The following HCN1 variants were observed in gnomAD, a reference collection of about 807,000 sequenced individuals.
HCN1 encodes the protein potassium/sodium hyperpolarization-activated cyclic nucleotide-gated channel 1.
Under a neutral mutation model 78.9 loss-of-function variants are expected in HCN1, and 13 were observed. That is an observed-to-expected ratio of 0.16 (90% CI 0.11 to 0.26). The LOEUF (loss-of-function observed/expected upper bound fraction) is 0.26. Ranked by LOEUF, HCN1 falls within the 10% of genes least tolerant of loss-of-function variation. The probability of loss-of-function intolerance (pLI) is 1.00; values close to 1 mark genes in which losing one functional copy is unlikely to be tolerated. For synonymous variants in HCN1, 552 were observed against 455.5 expected (o/e 1.21, Z -2.70); for missense variants, 810 against 1,154.3 (o/e 0.70, Z 4.32).
intron 1 of HCN1, among the ~76,000 whole-genome samples, chr5:45,685,097 T>C (rs773556982): frequency 1.3e-5 from 2 of 152,192 alleles, no homozygotes; most frequent in Non-Finnish European, 2.9e-5. Context: ...TTCTTTTACG[T>C]TCCTAACTAG....
chr5:45,632,427 G>A (rs1016223580), intron 2 of HCN1, among the ~76,000 whole-genome samples: 1 of 151,954 alleles, frequency 6.6e-6, no homozygotes, highest in African/African-American at 2.4e-5. Context: ...AGAGGAGGAT[G>A]AGGAAAAAAT....
intron 5 of HCN1, among the ~76,000 whole-genome samples, chr5:45,345,235 C>A (rs1746676576): frequency 6.6e-6 from 1 of 152,186 alleles, no homozygotes; most frequent in South Asian, 2.1e-4. Context: ...CTGCACACAG[C>A]AGGCAGCCTG....
At chr5:45,406,431 C>G (rs1029950121) in intron 3 of HCN1, among the ~76,000 whole-genome samples, 4 of 152,098 alleles carry the variant, frequency 2.6e-5, no homozygotes, top group Non-Finnish European at 5.9e-5. Context: ...CATTGCTCTT[C>G]TTAACAGTGA....
At chr5:45,342,351 T>A (rs1462657753) in intron 5 of HCN1, among the ~76,000 whole-genome samples, 1 of 151,244 alleles carries the variant, frequency 6.6e-6, no homozygotes, top group Admixed American at 6.6e-5. Flanking sequence ...TGCCTTAGCC[T>A]CCCAACTAGC....
chr5:45,340,104 A>G (rs1158324580), intron 5 of HCN1, among the ~76,000 whole-genome samples: 1 of 152,050 alleles, frequency 6.6e-6, no homozygotes, highest in African/African-American at 2.4e-5. Flanking sequence ...TACTTTTAGT[A>G]AAGACTGGGT....
intron 2 of HCN1, among the ~76,000 whole-genome samples, chr5:45,561,580 C>G (rs1025749626): frequency 4.1e-5 from 6 of 146,910 alleles, no homozygotes. Flanking sequence ...GCCTTTGTCC[C>G]TGGCTCCTGA....
At chr5:45,313,924 C>T (rs185260117) in intron 5 of HCN1, among the ~76,000 whole-genome samples, 80 of 152,284 alleles carry the variant, frequency 5.3e-4, no homozygotes, top group African/African-American at 1.8e-3. Flanking sequence ...GAGAATACAA[C>T]CAAGTTGGAA....
chr5:45,477,642 A>T (rs1741546972), intron 2 of HCN1, among the ~76,000 whole-genome samples: 3 of 152,218 alleles, frequency 2.0e-5, no homozygotes, highest in Admixed American at 2.0e-4. Flanking sequence ...TTTGAAAAAC[A>T]ACAATAACAT....
At chr5:45,266,381 A>G (rs1458272624) in intron 7 of HCN1, among the ~76,000 whole-genome samples, 1 of 152,104 alleles carries the variant, frequency 6.6e-6, no homozygotes, top group Non-Finnish European at 1.5e-5. Flanking sequence ...TTCAATTCCT[A>G]ATATAAAGAT....
At chr5:45,365,015 C>T (rs1358773421) in intron 4 of HCN1, among the ~76,000 whole-genome samples, 2 of 151,856 alleles carry the variant, frequency 1.3e-5, no homozygotes, top group East Asian at 3.9e-4. Context: ...CCATAAGCTT[C>T]CTGAAGGTGT....
chr5:45,479,866 A>T (rs1741610279), intron 2 of HCN1, among the ~76,000 whole-genome samples: 1 of 152,222 alleles, frequency 6.6e-6, no homozygotes, highest in African/African-American at 2.4e-5. Context: ...TTTTTAACTA[A>T]TCATTTCACA....
intron 3 of HCN1, among the ~76,000 whole-genome samples, chr5:45,454,026 G>A (rs1285939452): frequency 6.6e-6 from 1 of 152,068 alleles, no homozygotes; most frequent in Non-Finnish European, 1.5e-5. Flanking sequence ...ACAAAAACAT[G>A]TTTGGAACTT....
In HCN1 at chr5:45,479,125, A is replaced by T. The variant is rs998932464; in HGVS notation, c.850-17118T>A. Among the ~76,000 whole-genome samples the T allele has an allele frequency of 1.7e-3, 200 of 119,046 alleles. 3 individuals are homozygous for T. The East Asian group carries it at 0.023, about 14-fold the overall frequency. The allele number at this position is 119,046 out of a possible 152,430, so 78.1% of individuals were successfully genotyped here. ...CTGGGCTACAGAGCGAGACTGTTTT[A>T]AAAAAAAAAAAAAAAGAATGAGTTG... On this transcript the variant is annotated intron_variant, in intron 2 of 7. Coordinates refer to ENST00000303230, the MANE Select transcript of HCN1 (RefSeq NM_021072.4).
intron 2 of HCN1, among the ~76,000 whole-genome samples, chr5:45,622,455 T>C (rs1745086654): frequency 6.6e-6 from 1 of 152,114 alleles, no homozygotes; most frequent in South Asian, 2.1e-4. Flanking sequence ...TGTGCCCATA[T>C]TTAGACACTC....
At chr5:45,559,363 G>C (rs1040976487) in intron 2 of HCN1, 6 of 152,000 alleles carry the variant, frequency 3.9e-5, no homozygotes, top group African/African-American at 1.2e-4. Flanking sequence ...GCTGGATCTG[G>C]GCAAAATAAA....
intron 2 of HCN1, among the ~76,000 whole-genome samples, chr5:45,607,587 AT>A (rs984476515): frequency 1.0e-4 from 15 of 148,954 alleles, no homozygotes; most frequent in African/African-American, 3.6e-4. Context: ...CATTATATAT[AT>A]ATATATATCT....
intron 4 of HCN1, among the ~76,000 whole-genome samples, chr5:45,367,989 C>G (rs555320641): frequency 6.6e-6 from 1 of 151,928 alleles, no homozygotes; most frequent in East Asian, 1.9e-4. Context: ...AAGAAATGGA[C>G]CAATAGGTTA....
chr5:45,432,062 C>T (rs1375581583), intron 3 of HCN1, among the ~76,000 whole-genome samples: 1 of 152,058 alleles, frequency 6.6e-6, no homozygotes, highest in African/African-American at 2.4e-5. Context: ...TTTTCCTATC[C>T]ATGAGCGTAT....
At chr5:45,369,975 T>A (rs1561126671) in intron 4 of HCN1, among the ~76,000 whole-genome samples, 1 of 151,978 alleles carries the variant, frequency 6.6e-6, no homozygotes, top group Non-Finnish European at 1.5e-5. Flanking sequence ...TATACTGTGC[T>A]ATAAGACCTG....
Sources: allele counts gnomAD v4.1 joint callset (sites outside exome capture counted in the v4.1 genomes callset), GRCh38; gene constraint gnomAD v4.1.1; transcripts MANE v1.5; gene names NCBI Gene and HGNC (gene_info 2026-07-23, HGNC 2026-07-21).